Variants in ARPC5L observed in about 807,000 individuals in gnomAD.
ARPC5L encodes actin related protein 2/3 complex subunit 5 like.
In ARPC5L, 4 loss-of-function variants were observed where a neutral mutation model predicts 16.9. That is an observed-to-expected ratio of 0.24 (90% CI 0.12 to 0.54). The LOEUF is 0.54. Ranked by LOEUF, ARPC5L falls within the 20% of genes least tolerant of loss-of-function variation. ARPC5L has a pLI of 0.95. For synonymous variants in ARPC5L, 78 were observed against 82.6 expected (o/e 0.94, Z 0.30); for missense variants, 151 against 201.9 (o/e 0.75, Z 1.53).
Position 124,876,927 on chromosome 9 carries a change from G to C in ARPC5L, c.449G>C (p.Arg150Thr). 1 of 1,612,596 alleles carries C rather than the reference G, an allele frequency of 6.2e-7. No individual in the cohort carries two copies. Among genetic ancestry groups the C allele is most frequent in the Non-Finnish European group, 8.5e-7 (1 of 1,179,414 alleles). Reference sequence around the variant, plus strand: ...TCCATTATAAGAGTTCTTACAGCAAGAAAGACTGTTTAAAAAAAATAAAAA... The same window carrying C: ...TCCATTATAAGAGTTCTTACAGCAACAAAGACTGTTTAAAAAAAATAAAAA... Reference protein sequence around the residue: ...LGSIIRVLTARKTV With the variant: ...LGSIIRVLTATKTV The change falls in exon 6 of 6, where the codon AGA becomes ACA. Residue 150 changes from arginine to threonine, a missense_variant. Arg to Thr is a moderately conservative substitution (Grantham distance 71). Coordinates refer to ENST00000353214, the MANE Select transcript of ARPC5L (RefSeq NM_030978.3).
chr9:124,866,037 G>A lies in ARPC5L; in HGVS notation c.-864+1930G>A, dbSNP rs139236571. ...GGAGAATCACTTGAACCCTGGAGGC[G>A]GAGGTTGCAGTGAGCTGAGGTTGGG... On this transcript the variant is annotated intron_variant, in intron 2 of 5. Transcript: ENST00000353214. 3.6e-3 allele frequency among the ~76,000 whole-genome samples: 549 copies of A among 152,006 alleles called. 5 individuals are homozygous for A. The highest frequency in any genetic ancestry group is 0.011 in the African/African-American group (467 of 41,434).
rs551392348 is a variant in ARPC5L, at chr9:124,876,355, C to T, written c.400-523C>T. Among the ~76,000 whole-genome samples, 8 of 151,562 alleles carry T rather than the reference C, an allele frequency of 5.3e-5. No homozygotes were observed. In the South Asian group the frequency reaches 1.0e-3, roughly 20 times the overall value. On this transcript the variant is annotated intron_variant, in intron 5 of 5. Transcript: ENST00000353214. The stretch of plus-strand genomic sequence containing the variant: ...TACAAAAATTAGCCGGGGGTGGTGG[C>T]GGGCGCCTGTAATCCCAGCTGCTCG...
rs1252560484 is a variant in ARPC5L at position 124,877,105 on chromosome 9, C to T, written c.*165C>T. On this transcript the variant is annotated 3_prime_UTR_variant, in exon 6 of 6. Transcript: ENST00000353214. ...TTTTCAAGGTGGAGGGGAAAATCGT[C>T]TGTTTCCTAAATCCTGTTTAGGATC... The T allele has an allele frequency of 1.6e-6, 1 of 628,034 alleles. No homozygotes were observed. Among genetic ancestry groups the T allele is most frequent in the African/African-American group, 1.9e-5 (1 of 53,880 alleles). The allele number at this position is 628,034 out of a possible 1,614,324, so 38.9% of individuals were successfully genotyped here. A position where few individuals can be genotyped will look rare whatever the true frequency, so the allele number is the denominator to read the frequency against.
rs1829459552 is a variant in ARPC5L at position 124,877,356 on chromosome 9, T to C, written c.*416T>C. On this transcript the variant is annotated 3_prime_UTR_variant, in exon 6 of 6. Coordinates refer to ENST00000353214, the MANE Select transcript of ARPC5L (RefSeq NM_030978.3). ...CTGTCTTCCCAGAGAAGGTGGACAC[T>C]CTTGGGCTCATTGTAAAGTGCCTGC... 1 of 177,150 alleles carries C rather than the reference T, an allele frequency of 5.6e-6. No individual in the cohort carries two copies. Among genetic ancestry groups the C allele is most frequent in the Non-Finnish European group, 1.2e-5 (1 of 84,922 alleles). The allele number at this position is 177,150 out of a possible 1,614,324, so 11.0% of individuals were successfully genotyped here. A position where few individuals can be genotyped will look rare whatever the true frequency, so the allele number is the denominator to read the frequency against.
rs1829457466 is a variant in ARPC5L, at chr9:124,877,240, G to C, written c.*300G>C. 3.0e-6 allele frequency: 1 copy of C among 331,020 alleles called. No homozygotes were observed. Among genetic ancestry groups the C allele is most frequent in the African/African-American group, 2.2e-5 (1 of 45,496 alleles). The allele number at this position is 331,020 out of a possible 1,614,324, so 20.5% of individuals were successfully genotyped here. ...CACCTGTGTGCACTGGGGGAGGGATGGTTTGGGCAGGTGCAGATCCAAGGG... is the reference window on the plus strand; with the variant it reads ...CACCTGTGTGCACTGGGGGAGGGATCGTTTGGGCAGGTGCAGATCCAAGGG... On this transcript the variant is annotated 3_prime_UTR_variant, in exon 6 of 6. Coordinates refer to ENST00000353214, the MANE Select transcript of ARPC5L (RefSeq NM_030978.3).
At position 124,868,827 on chromosome 9, in the gene ARPC5L, C is replaced by A. The variant is rs1829307341; in HGVS notation, c.-464C>A. 1 of 155,254 alleles carries A rather than the reference C, an allele frequency of 6.4e-6. No homozygotes were observed. The highest frequency in any genetic ancestry group is 2.4e-5 in the African/African-American group (1 of 41,600). The allele number at this position is 155,254 out of a possible 1,614,324, so 9.6% of individuals were successfully genotyped here. A position where few individuals can be genotyped will look rare whatever the true frequency, so the allele number is the denominator to read the frequency against. ...CTGCCCGGCACTCGAGAAGTAGAGCCGCGAGCCTTCTCCCGGGGGCCCAGC... is the reference window on the plus strand; with the variant it reads ...CTGCCCGGCACTCGAGAAGTAGAGCAGCGAGCCTTCTCCCGGGGGCCCAGC... On this transcript the variant is annotated 5_prime_UTR_variant, in exon 3 of 6. Coordinates refer to ENST00000353214, the MANE Select transcript of ARPC5L (RefSeq NM_030978.3).
rs1045132311 is a variant in ARPC5L at position 124,877,153 on chromosome 9, C to T, written c.*213C>T. ...ATCTGATAGTCTATGCCTTTGTCTC[C>T]GAGTACTGCAGAACTGACATTTTGA... On this transcript the variant is annotated 3_prime_UTR_variant, in exon 6 of 6. Transcript: ENST00000353214. The T allele has an allele frequency of 8.6e-5, 47 of 547,558 alleles. No individual in the cohort carries two copies. Among genetic ancestry groups the T allele is most frequent in the Admixed American group, 5.5e-4 (16 of 29,202 alleles). 33.9% of individuals were successfully genotyped at this position (547,558 alleles called of 1,614,324 possible).
chr9:124,872,061 A>G (rs1829367956), intron 3 of ARPC5L, among the ~76,000 whole-genome samples: 1 of 152,104 alleles, frequency 6.6e-6, no homozygotes, highest in South Asian at 2.1e-4. Context: ...ACATCTCCCA[A>G]CTGCTGAAGG....
At chr9:124,873,789 G>T in intron 4 of ARPC5L, 25 bp downstream of exon 4, 1 of 1,613,758 alleles carries the variant, frequency 6.2e-7, no homozygotes, top group Non-Finnish European at 8.5e-7. Context: ...CTGCGGCTCT[G>T]CTGGGTGCTG....
rs368771595 is a variant in ARPC5L at position 124,869,548 on chromosome 9, GC to G, written c.149+114del. ...GGGCCTCCCCTGTCTCCGACCCTTG[GC>G]CCCCTCAGGTCAGCCTCCAGCTCCC... On this transcript the variant is annotated intron_variant, in intron 3 of 5. Transcript: ENST00000353214. The G allele has an allele frequency of 1.3e-5, 18 of 1,381,190 alleles. No individual in the cohort carries two copies. The African/African-American group carries it at 2.5e-4, about 19-fold the overall frequency. The allele number at this position is 1,381,190 out of a possible 1,614,324, so 85.6% of individuals were successfully genotyped here.
chr9:124,869,033 A>G lies in ARPC5L; in HGVS notation c.-258A>G. 1 of 371,704 alleles carries G rather than the reference A, an allele frequency of 2.7e-6. No homozygotes were observed. Among genetic ancestry groups the G allele is most frequent in the Admixed American group, 4.7e-5 (1 of 21,146 alleles). 23.0% of individuals were successfully genotyped at this position (371,704 alleles called of 1,614,324 possible). The stretch of plus-strand genomic sequence containing the variant: ...ACAAAATAGAGACTCCGTGGAAGGG[A>G]CACTGAGGTGGGGGAGGCTGCGGTG... On this transcript the variant is annotated 5_prime_UTR_variant, in exon 3 of 6. Coordinates refer to ENST00000353214, the MANE Select transcript of ARPC5L (RefSeq NM_030978.3).
chr9:124,876,447 T>G (rs545536333), intron 5 of ARPC5L, among the ~76,000 whole-genome samples: 10 of 152,024 alleles, frequency 6.6e-5, no homozygotes, highest in Non-Finnish European at 1.0e-4. Flanking sequence ...GATCGTGCCA[T>G]TGCACTCCAG....
intron 3 of ARPC5L, chr9:124,873,161 A>G (rs1414391389): frequency 6.5e-6 from 1 of 153,020 alleles, no homozygotes; most frequent in Non-Finnish European, 1.5e-5. Context: ...TGTTAGATTG[A>G]TAAACTCTTT....
rs1194660593 is a variant in ARPC5L, at chr9:124,869,247, C to G, written c.-44C>G. ...GGTGCGAGCGGAGCAGAGCCGAGGT[C>G]GGGCCGCGAGCGGAGCCGGCTGAGC... On this transcript the variant is annotated 5_prime_UTR_variant, in exon 3 of 6. Coordinates refer to ENST00000353214, the MANE Select transcript of ARPC5L (RefSeq NM_030978.3). 1.3e-5 allele frequency: 19 copies of G among 1,481,694 alleles called. No individual in the cohort carries two copies. Among genetic ancestry groups the G allele is most frequent in the Non-Finnish European group, 1.7e-5 (19 of 1,117,878 alleles). 91.8% of individuals were successfully genotyped at this position (1,481,694 alleles called of 1,614,324 possible).
rs1829318753 is a variant in ARPC5L, at chr9:124,869,272, C to G, written c.-19C>G. On this transcript the variant is annotated 5_prime_UTR_variant, in exon 3 of 6. Coordinates refer to ENST00000353214, the MANE Select transcript of ARPC5L (RefSeq NM_030978.3). ...CGGGCCGCGAGCGGAGCCGGCTGAG[C>G]GGGCGCCGAGCTCCCGCCATGGCCC... 6.6e-7 allele frequency: 1 copy of G among 1,509,898 alleles called. No homozygotes were observed. Among genetic ancestry groups the G allele is most frequent in the Non-Finnish European group, 8.8e-7 (1 of 1,130,076 alleles). 93.5% of individuals were successfully genotyped at this position (1,509,898 alleles called of 1,614,324 possible). A position where few individuals can be genotyped will look rare whatever the true frequency, so the allele number is the denominator to read the frequency against.
At chr9:124,875,690 C>T (rs1257953555) in intron 5 of ARPC5L, among the ~76,000 whole-genome samples, 2 of 152,186 alleles carry the variant, frequency 1.3e-5, no homozygotes, top group East Asian at 1.9e-4. Context: ...CGCTTGGGTC[C>T]GTGTGAGAGC....
In ARPC5L at chr9:124,875,097, C is replaced by T; in HGVS notation, c.345C>T (p.Gly115=). 1 of 1,614,104 alleles carries T rather than the reference C, an allele frequency of 6.2e-7. No homozygotes were observed. The highest frequency in any genetic ancestry group is 1.7e-5 in the Admixed American group (1 of 60,020). The change falls in exon 5 of 6, where the codon GGC becomes GGT. Residue 115 remains glycine, a synonymous_variant. Coordinates refer to ENST00000353214, the MANE Select transcript of ARPC5L (RefSeq NM_030978.3). ...VDLLMKYIYK[G]FEKPTENSSA... ...TGTTAATGAAGTACATTTATAAAGG[C>T]TTTGAGAAGCCCACAGAAAATAGCA...
chr9:124,869,455 G>T lies in ARPC5L; in HGVS notation c.149+16G>T, dbSNP rs749935536. On this transcript the variant is annotated intron_variant, in intron 3 of 5. Coordinates refer to ENST00000353214, the MANE Select transcript of ARPC5L (RefSeq NM_030978.3). ...TCCTGCGGCAATATCCTTCCCTGAC[G>T]CGGCGTCCGGGCCTGCGCGCGGCCT... The T allele has an allele frequency of 4.2e-5, 61 of 1,438,380 alleles. No homozygotes were observed. The highest frequency in any genetic ancestry group is 5.6e-5 in the Non-Finnish European group (61 of 1,097,496). The allele number at this position is 1,438,380 out of a possible 1,614,324, so 89.1% of individuals were successfully genotyped here. A position where few individuals can be genotyped will look rare whatever the true frequency, so the allele number is the denominator to read the frequency against.
intron 2 of ARPC5L, among the ~76,000 whole-genome samples, chr9:124,868,072 T>C (rs1232320513): frequency 6.6e-6 from 1 of 152,164 alleles, no homozygotes; most frequent in Admixed American, 6.5e-5. Flanking sequence ...GCTCCCAAAG[T>C]GCTGAGGATT....
Sources: gnomAD v4.1 joint callset for allele counts (sites outside exome capture counted in the v4.1 genomes callset) on GRCh38, gnomAD v4.1.1 for gene constraint, MANE v1.5 for transcripts, NCBI Gene and HGNC (gene_info 2026-07-23, HGNC 2026-07-21) for gene names.